The following DLEC1 variants were observed in gnomAD, a reference collection of about 807,000 sequenced individuals.
DLEC1 encodes the protein DLEC1 cilia and flagella associated protein, also known as deleted in lung and esophageal cancer protein 1.
Under a neutral mutation model 198.1 loss-of-function variants are expected in DLEC1, and 146 were observed. The ratio of observed to expected loss-of-function variants is 0.74; its 90% CI spans 0.64 to 0.85. The LOEUF (loss-of-function observed/expected upper bound fraction) is 0.85, where lower values mean the gene tolerates loss of function less well. Among genes scored for constraint, DLEC1 ranks in the 40% least tolerant of loss-of-function variants. The probability of loss-of-function intolerance (pLI) is 0.00; values close to 1 mark genes in which losing one functional copy is unlikely to be tolerated. For missense variants in DLEC1, 2,233 were observed against 2,220.0 expected, an observed-to-expected ratio of 1.01 and a Z score of -0.12; for synonymous variants, 897 against 866.8, an observed-to-expected ratio of 1.03 and a Z score of -0.61.
chr3:38,065,595 T>G (rs1341167944), intron 6 of DLEC1, among the ~76,000 whole-genome samples: 1 of 152,194 alleles, frequency 6.6e-6, no homozygotes, highest in African/African-American at 2.4e-5. Flanking sequence ...TGTGCTGGAG[T>G]CATAGAAGGA....
chr3:38,105,094 T>C (rs1699501712), intron 19 of DLEC1, among the ~76,000 whole-genome samples: 1 of 152,224 alleles, frequency 6.6e-6, no homozygotes, highest in South Asian at 2.1e-4. Context: ...TGCACATATT[T>C]TGTTTCACAA....
At chr3:38,084,539 GGTAGTA>G (rs199537934) in intron 7 of DLEC1, among the ~76,000 whole-genome samples, 8 of 4,074 alleles carry the variant, frequency 2.0e-3, no homozygotes, top group African/African-American at 7.4e-3. Context: ...TAGTGGTGGT[GGTAGTA>G]GTAGTGGTAG....
At position 38,116,669 on chromosome 3, in the gene DLEC1, G is replaced by A. The variant is rs779100153; in HGVS notation, c.4062+11G>A. 1.9e-6 allele frequency: 3 copies of A among 1,613,608 alleles called. No homozygotes were observed. The highest frequency in any genetic ancestry group is 1.7e-6 in the Non-Finnish European group (2 of 1,179,650). Reference sequence around the variant, plus strand: ...GAAACTGACTCATCAGTGAGCAGGGGTGGAGGGGCGGGGCAGGCTGGCCAC... The same window carrying A: ...GAAACTGACTCATCAGTGAGCAGGGATGGAGGGGCGGGGCAGGCTGGCCAC... On this transcript the variant is annotated intron_variant, in intron 28 of 36. Coordinates refer to ENST00000308059, the MANE Select transcript of DLEC1 (RefSeq NM_007335.4).
At chr3:38,040,093 G>A (rs911732823) in intron 1 of DLEC1, among the ~76,000 whole-genome samples, 2 of 152,122 alleles carry the variant, frequency 1.3e-5, no homozygotes, top group Non-Finnish European at 2.9e-5. Flanking sequence ...TCTGTACAAG[G>A]AGAAAACCAG....
chr3:38,089,838 A>C (rs972335367), intron 10 of DLEC1, among the ~76,000 whole-genome samples: 1 of 152,152 alleles, frequency 6.6e-6, no homozygotes, highest in Non-Finnish European at 1.5e-5. Flanking sequence ...GTCTGTTCCA[A>C]AATGTATTCA....
chr3:38,115,201 G>C (rs2125738330), intron 27 of DLEC1, 148 bp downstream of exon 27: 2 of 760,720 alleles, frequency 2.6e-6, no homozygotes, highest in Admixed American at 4.9e-5. Flanking sequence ...AGTGTGGATG[G>C]GCCCACAGAT....
intron 18 of DLEC1, among the ~76,000 whole-genome samples, chr3:38,099,078 A>T (rs950042833): frequency 6.6e-6 from 1 of 152,132 alleles, no homozygotes; most frequent in Non-Finnish European, 1.5e-5. Flanking sequence ...ATGAAACTTT[A>T]TGCAAAAGCC....
At chr3:38,064,951 G>C (rs539540859) in intron 6 of DLEC1, among the ~76,000 whole-genome samples, 2 of 152,360 alleles carry the variant, frequency 1.3e-5, no homozygotes, top group East Asian at 3.9e-4. Flanking sequence ...GCCGGGCAGA[G>C]GCTGCAAACT....
intron 12 of DLEC1, among the ~76,000 whole-genome samples, chr3:38,094,318 C>A (rs1698896832): frequency 6.6e-6 from 1 of 152,208 alleles, no homozygotes; most frequent in African/African-American, 2.4e-5. Flanking sequence ...GGACCCCAGA[C>A]ATTACACAGG....
intron 6 of DLEC1, among the ~76,000 whole-genome samples, chr3:38,075,835 C>T (rs958070493): frequency 6.6e-6 from 1 of 151,154 alleles, no homozygotes; most frequent in African/African-American, 2.4e-5. Flanking sequence ...TCTTGCCTCT[C>T]CCCTAGAAAA....
At chr3:38,119,471 ATTCTC>A (rs1700345705) in intron 33 of DLEC1, among the ~76,000 whole-genome samples, 1 of 151,728 alleles carries the variant, frequency 6.6e-6, no homozygotes, top group Non-Finnish European at 1.5e-5. Context: ...TCCCAACACT[ATTCTC>A]TTTTCTTCAT....
At chr3:38,115,076 C>A in intron 27 of DLEC1, 23 bp downstream of exon 27, 1 of 1,613,344 alleles carries the variant, frequency 6.2e-7, no homozygotes, top group South Asian at 1.1e-5. Context: ...TGAGAGAAGT[C>A]AGTGTTCTTG....
At position 38,115,014 on chromosome 3, in the gene DLEC1, G is replaced by A. The variant is rs1295548257; in HGVS notation, c.3817G>A (p.Val1273Ile). ...FGTQVSGGDT[V>I]TRTLRLNNSS... is the part of the protein sequence containing the mutation. ...CACCCAGGTCTCCGGAGGAGACACAGTTACCCGAACCCTTCGCCTGAATAA... is the reference window on the plus strand; with the variant it reads ...CACCCAGGTCTCCGGAGGAGACACAATTACCCGAACCCTTCGCCTGAATAA... The change falls in exon 27 of 37, where the codon GTT (valine) becomes ATT (isoleucine). Residue 1273 changes from valine (V) to isoleucine (I), a missense_variant. Coordinates refer to ENST00000308059, the MANE Select transcript of DLEC1 (RefSeq NM_007335.4). 3.7e-5 allele frequency: 60 copies of A among 1,614,042 alleles called. No homozygotes were observed. The highest frequency in any genetic ancestry group is 5.1e-5 in the Non-Finnish European group (60 of 1,179,948).
At chr3:38,058,006 G>A (rs992123315) in intron 2 of DLEC1, among the ~76,000 whole-genome samples, 32 of 151,888 alleles carry the variant, frequency 2.1e-4, no homozygotes, top group East Asian at 7.7e-4. Context: ...CAGTAGAGAC[G>A]GGGTTTCACC....
chr3:38,063,848 G>T lies in DLEC1; in HGVS notation c.1102G>T (p.Asp368Tyr), dbSNP rs1452242079. Residue 368 changes from aspartate to tyrosine, a missense_variant, in exon 6 of 37, where the codon GAT (aspartate) becomes TAT (tyrosine). Physicochemically the swap from Asp to Tyr is radical, Grantham distance 160. Coordinates refer to ENST00000308059, the MANE Select transcript of DLEC1 (RefSeq NM_007335.4). Reference protein sequence around the residue: ...QSTEPEQSCADTPVFLAKPPI... With the variant: ...QSTEPEQSCAYTPVFLAKPPI... ...TCTTTTTTCATCCCACAGTTGTGCT[G>T]ATACTCCAGTGTTTCTAGCTAAGCC... 1 of 1,613,274 alleles carries T rather than the reference G, an allele frequency of 6.2e-7. No homozygotes were observed. Among genetic ancestry groups the T allele is most frequent in the Admixed American group, 1.7e-5 (1 of 59,966 alleles).
At chr3:38,077,376 G>T (rs1011218449) in intron 6 of DLEC1, among the ~76,000 whole-genome samples, 1 of 152,210 alleles carries the variant, frequency 6.6e-6, no homozygotes, top group South Asian at 2.1e-4. Flanking sequence ...ATAAAAAGGA[G>T]CTCAAATGGG....
intron 7 of DLEC1, among the ~76,000 whole-genome samples, chr3:38,084,566 A>G (rs796880054): frequency 0.15 from 49 of 336 alleles, no homozygotes; most frequent in South Asian, 0.21. Flanking sequence ...TAGTAGTGGT[A>G]GTAGTAGTAG....
chr3:38,058,038 C>T (rs980552440), intron 2 of DLEC1, among the ~76,000 whole-genome samples: 4 of 152,050 alleles, frequency 2.6e-5, no homozygotes, highest in East Asian at 1.9e-4. Context: ...CTCCTGACCT[C>T]GTGATCCGCC....
At chr3:38,067,554 A>T (rs1175598722) in intron 6 of DLEC1, among the ~76,000 whole-genome samples, 1 of 152,230 alleles carries the variant, frequency 6.6e-6, no homozygotes, top group Non-Finnish European at 1.5e-5. Flanking sequence ...GTCTGAGGCC[A>T]TTGCTGGAAA....
Sources: gnomAD v4.1 joint callset for allele counts (sites outside exome capture counted in the v4.1 genomes callset) on GRCh38, gnomAD v4.1.1 for gene constraint, MANE v1.5 for transcripts, NCBI Gene and HGNC (gene_info 2026-07-23, HGNC 2026-07-21) for gene names.